TENM4: variants seen among roughly 807,000 people sequenced by gnomAD.
TENM4 encodes the protein teneurin transmembrane protein 4.
A neutral mutation model predicts 243.3 loss-of-function variants in TENM4; 82 were observed. That is an observed-to-expected ratio of 0.34 (90% CI 0.28 to 0.40). TENM4 has a LOEUF of 0.40. Among genes scored for constraint, TENM4 ranks in the 10% least tolerant of loss-of-function variants. The probability of loss-of-function intolerance (pLI) is 1.00; values close to 1 mark genes in which losing one functional copy is unlikely to be tolerated. For synonymous variants in TENM4, 1,412 were observed against 1,456.3 expected, an observed-to-expected ratio of 0.97 and a Z score of 0.69; for missense variants, 3,138 against 3,673.3, an observed-to-expected ratio of 0.85 and a Z score of 3.77.
At chr11:78,960,016 C>G (rs1857284213) in intron 6 of TENM4, among the ~76,000 whole-genome samples, 1 of 152,090 alleles carries the variant, frequency 6.6e-6, no homozygotes, top group East Asian at 1.9e-4. Flanking sequence ...TGTGACACTC[C>G]TAAAATCAGG....
chr11:79,107,507 A>C (rs568388581), intron 4 of TENM4, among the ~76,000 whole-genome samples: 2 of 152,188 alleles, frequency 1.3e-5, no homozygotes, highest in African/African-American at 2.4e-5. Context: ...CTCAGCTAGG[A>C]TATCACTAGC....
intron 2 of TENM4, among the ~76,000 whole-genome samples, chr11:79,245,938 TAAA>T (rs1199883938): frequency 1.4e-3 from 93 of 64,886 alleles, no homozygotes; most frequent in Middle Eastern, 0.01. Context: ...AGACTTTGTC[TAAA>T]AAAAAAAAAA....
intron 12 of TENM4, among the ~76,000 whole-genome samples, chr11:78,827,163 T>C (rs1221042090): frequency 6.6e-6 from 1 of 152,262 alleles, no homozygotes; most frequent in Non-Finnish European, 1.5e-5. Context: ...TCCAGTTTAC[T>C]AAAATAAATA....
intron 9 of TENM4, among the ~76,000 whole-genome samples, chr11:78,864,988 A>C (rs1858932299): frequency 6.6e-6 from 1 of 152,204 alleles, no homozygotes; most frequent in Admixed American, 6.5e-5. Flanking sequence ...AGAGAGATGA[A>C]GGCCCATAGT....
chr11:78,826,110 G>A (rs922419267), intron 12 of TENM4, among the ~76,000 whole-genome samples: 3 of 118,448 alleles, frequency 2.5e-5, no homozygotes, highest in African/African-American at 6.7e-5. Context: ...TTTTTGAGAC[G>A]GAGTTTTGCT....
At chr11:78,665,046 C>G (rs1443204948) in intron 32 of TENM4, among the ~76,000 whole-genome samples, 3 of 152,164 alleles carry the variant, frequency 2.0e-5, no homozygotes, top group Non-Finnish European at 2.9e-5. Flanking sequence ...ATATTTCCCT[C>G]AAGTTAAAAA....
chr11:78,695,967 A>C (rs1279311195), intron 28 of TENM4, among the ~76,000 whole-genome samples: 1 of 151,034 alleles, frequency 6.6e-6, no homozygotes, highest in Non-Finnish European at 1.5e-5. Context: ...ATTTCCTCAA[A>C]TATTTCTTCT....
intron 3 of TENM4, among the ~76,000 whole-genome samples, chr11:79,187,932 A>T (rs780425099): frequency 6.6e-6 from 1 of 152,230 alleles, no homozygotes; most frequent in Non-Finnish European, 1.5e-5. Context: ...TAAACCACCC[A>T]GTCTGTGCTA....
At chr11:78,845,729 G>A (rs1427761680) in intron 12 of TENM4, among the ~76,000 whole-genome samples, 1 of 151,986 alleles carries the variant, frequency 6.6e-6, no homozygotes, top group Non-Finnish European at 1.5e-5. Flanking sequence ...CAGTGGAAAA[G>A]CCAGCTGGCA....
chr11:78,935,228 G>T (rs1002866788), intron 6 of TENM4, among the ~76,000 whole-genome samples: 6 of 151,446 alleles, frequency 4.0e-5, no homozygotes, highest in Admixed American at 3.3e-4. Flanking sequence ...AGCCAGGATG[G>T]TCTCGATCTC....
rs1031059591 is a variant in TENM4, at chr11:79,015,477, A to T, written c.493+49261T>A. On this transcript the variant is annotated intron_variant, in intron 6 of 33. Transcript: ENST00000278550. ...GATTTCATGAGAAAAAAAGTCATTTAGTGTGTGTGTGTGTGTGTGTGTGTG... is the reference window on the plus strand; with the variant it reads ...GATTTCATGAGAAAAAAAGTCATTTTGTGTGTGTGTGTGTGTGTGTGTGTG... 2.9e-4 allele frequency among the ~76,000 whole-genome samples: 43 copies of T among 147,254 alleles called. 1 individual carries two copies. The highest frequency in any genetic ancestry group is 9.7e-4 in the African/African-American group (39 of 40,034).
At chr11:79,099,339 C>A (rs151106251) in intron 4 of TENM4, among the ~76,000 whole-genome samples, 1 of 152,242 alleles carries the variant, frequency 6.6e-6, no homozygotes, top group Non-Finnish European at 1.5e-5. Context: ...ACATCCCATC[C>A]CATTGTTCAT....
intron 7 of TENM4, among the ~76,000 whole-genome samples, chr11:78,894,975 G>T (rs1855753232): frequency 1.1e-5 from 1 of 93,810 alleles, no homozygotes; most frequent in African/African-American, 4.2e-5. Context: ...ACGAGACTCG[G>T]CCTTAAAAAA....
rs61884097 is a variant in TENM4 at position 79,440,860 on chromosome 11, A to T, written c.-672T>A. ...GCGGGTGTGTGCGCGCGCGTGTGTG[A>T]GTGTGTGTGTGTGTGTGTGTGTTTA... On this transcript the variant is annotated 5_prime_UTR_variant, in exon 1 of 34. Coordinates refer to ENST00000278550, the MANE Select transcript of TENM4 (RefSeq NM_001098816.3). The surrounding 1 kb of genome is among the most constrained non-coding windows in gnomAD (Gnocchi z 4.7). The T allele has an allele frequency of 0.078, 11,695 of 149,798 alleles. 515 individuals carry two copies. Among genetic ancestry groups the T allele is most frequent in the East Asian group, 0.12 (570 of 4,932 alleles). 9.3% of individuals were successfully genotyped at this position (149,798 alleles called of 1,614,324 possible).
rs144594787 is a variant in TENM4 at position 79,060,155 on chromosome 11, C to CA, written c.493+4582dup. Reference sequence around the variant, plus strand: ...TCTGCTTTCTAAAAAACATCTATTGCATGCCGACTGTTCCTGACAGGCCAG... The same window carrying CA: ...TCTGCTTTCTAAAAAACATCTATTGCAATGCCGACTGTTCCTGACAGGCCAG... On this transcript the variant is annotated intron_variant, in intron 6 of 33. Coordinates refer to ENST00000278550, the MANE Select transcript of TENM4 (RefSeq NM_001098816.3). Among the ~76,000 whole-genome samples, 1,037 of 152,346 alleles carry CA rather than the reference C, an allele frequency of 6.8e-3. 11 individuals carry two copies. The highest frequency in any genetic ancestry group is 0.024 in the African/African-American group (979 of 41,584).
At chr11:79,050,607 A>T (rs1341613569) in intron 6 of TENM4, among the ~76,000 whole-genome samples, 1 of 152,186 alleles carries the variant, frequency 6.6e-6, no homozygotes, top group African/African-American at 2.4e-5. Context: ...CTTTGTTTAT[A>T]CCATGCTTTG....
At chr11:79,392,253 GT>G (rs1858250155) in intron 1 of TENM4, among the ~76,000 whole-genome samples, 1 of 152,214 alleles carries the variant, frequency 6.6e-6, no homozygotes, top group Non-Finnish European at 1.5e-5. Flanking sequence ...TCACAGGGAA[GT>G]TCTGGGCAGA....
chr11:78,828,015 C>T (rs942070211), intron 12 of TENM4, among the ~76,000 whole-genome samples: 6 of 152,168 alleles, frequency 3.9e-5, no homozygotes, highest in Non-Finnish European at 8.8e-5. Flanking sequence ...CTTATCTGTG[C>T]TGCCACAGTG....
intron 6 of TENM4, among the ~76,000 whole-genome samples, chr11:79,016,110 G>T (rs1012135090): frequency 6.6e-6 from 1 of 152,152 alleles, no homozygotes; most frequent in Non-Finnish European, 1.5e-5. Context: ...TTGTAGGCAT[G>T]GTCAAAGCTC....
Sources: allele counts gnomAD v4.1 joint callset (sites outside exome capture counted in the v4.1 genomes callset), GRCh38; gene constraint gnomAD v4.1.1; non-coding constraint Gnocchi (gnomAD v3.1); transcripts MANE v1.5; gene names NCBI Gene and HGNC (gene_info 2026-07-23, HGNC 2026-07-21).